The following PRKCH variants were observed in gnomAD, a reference collection of about 807,000 sequenced individuals.
The protein encoded by PRKCH is protein kinase C eta type.
A neutral mutation model predicts 82.5 loss-of-function variants in PRKCH; 28 were observed. That is an observed-to-expected ratio of 0.34 (90% CI 0.25 to 0.47). The LOEUF (loss-of-function observed/expected upper bound fraction) is 0.47, where lower values mean the gene tolerates loss of function less well. PRKCH is among the 20% of genes least tolerant of loss of function. The pLI is 1.00. For synonymous variants in PRKCH, 322 were observed against 327.4 expected (o/e 0.98, Z 0.18); for missense variants, 705 against 881.8 (o/e 0.80, Z 2.54).
intron 1 of PRKCH, among the ~76,000 whole-genome samples, chr14:61,376,887 T>G (rs1015810784): frequency 2.0e-5 from 3 of 152,250 alleles, no homozygotes; most frequent in Admixed American, 1.3e-4. Flanking sequence ...AATTAAACCA[T>G]GTATTCCTTG....
chr14:61,196,570 T>G (rs1424345694), intron 1 of PRKCH, among the ~76,000 whole-genome samples: 1 of 152,206 alleles, frequency 6.6e-6, no homozygotes, highest in Non-Finnish European at 1.5e-5. Context: ...AAAGTAATTT[T>G]AGTTGACAGG....
intron 1 of PRKCH, among the ~76,000 whole-genome samples, chr14:61,212,402 A>T (rs1464487316): frequency 6.6e-6 from 1 of 152,200 alleles, no homozygotes; most frequent in African/African-American, 2.4e-5. Flanking sequence ...AACCTACAGA[A>T]AATGGAACAG....
chr14:61,288,272 T>C (rs148716201), intron 1 of PRKCH, among the ~76,000 whole-genome samples: 7 of 152,314 alleles, frequency 4.6e-5, no homozygotes, highest in African/African-American at 1.7e-4. Flanking sequence ...AATTTTATTT[T>C]TTTGTAGAAA....
At chr14:61,201,200 T>C (rs760844603) in intron 1 of PRKCH, among the ~76,000 whole-genome samples, 1 of 152,218 alleles carries the variant, frequency 6.6e-6, no homozygotes, top group East Asian at 1.9e-4. Flanking sequence ...TGAACACTTA[T>C]TGACATTTTA....
intron 10 of PRKCH, among the ~76,000 whole-genome samples, chr14:61,509,127 A>T (rs1887271657): frequency 6.6e-6 from 1 of 152,126 alleles, no homozygotes; most frequent in Non-Finnish European, 1.5e-5. Flanking sequence ...AGGCCCCCGA[A>T]TCCTGCCATT....
intron 2 of PRKCH, among the ~76,000 whole-genome samples, chr14:61,402,858 TTAA>T (rs974735481): frequency 6.0e-5 from 9 of 150,724 alleles, no homozygotes; most frequent in Non-Finnish European, 1.2e-4. Flanking sequence ...AATTAATTAA[TTAA>T]TTTATTTATT....
chr14:61,518,210 C>T (rs1264772126), intron 10 of PRKCH, among the ~76,000 whole-genome samples: 1 of 152,144 alleles, frequency 6.6e-6, no homozygotes, highest in Non-Finnish European at 1.5e-5. Flanking sequence ...GGTGTCTTTG[C>T]CTGAAGACTT....
At chr14:61,449,027 A>G (rs1461367958) in intron 4 of PRKCH, 137 bp from the exon 5 acceptor site, 3 of 709,944 alleles carry the variant, frequency 4.2e-6, no homozygotes, top group South Asian at 1.7e-5. Flanking sequence ...AATAGGAAGG[A>G]TGGGCGCACC....
At position 61,280,315 on chromosome 14, in the gene PRKCH, A is replaced by T. The variant is rs553531727; in HGVS notation, c.-19+92647A>T. On this transcript the variant is annotated intron_variant, in intron 1 of 3. Coordinates refer to the PRKCH transcript ENST00000555185. This position sits in a 1 kb window ranked among gnomAD's most constrained non-coding sequence, Gnocchi z 5.0. ...GTTGACGCGGTAGGCGCCCCGCGGC[A>T]GCCCGGCCGAGTAGTTGCCCTGGCG... is the stretch of plus-strand genomic sequence containing the variant. 1.2e-6 allele frequency: 2 copies of T among 1,613,880 alleles called. No homozygotes were observed. The highest frequency in any genetic ancestry group is 1.1e-5 in the South Asian group (1 of 91,056).
intron 1 of PRKCH, among the ~76,000 whole-genome samples, chr14:61,195,863 A>C (rs1299807910): frequency 6.6e-6 from 1 of 152,054 alleles, no homozygotes; most frequent in Non-Finnish European, 1.5e-5. Flanking sequence ...TCAAGGCCCC[A>C]CCCTTACGAC....
At chr14:61,290,857 A>G (rs2045355502) in intron 1 of PRKCH, among the ~76,000 whole-genome samples, 1 of 152,212 alleles carries the variant, frequency 6.6e-6, no homozygotes, top group Non-Finnish European at 1.5e-5. Context: ...CACACACAGC[A>G]TCCGTGTTGC....
intron 1 of PRKCH, among the ~76,000 whole-genome samples, chr14:61,349,111 C>T (rs1886465): frequency 0.54 from 82,478 of 152,098 alleles, 26,235 homozygotes; most frequent in Non-Finnish European, 0.7. Flanking sequence ...TTTGTTTATC[C>T]CTTTCCAGGG....
intron 1 of PRKCH, among the ~76,000 whole-genome samples, chr14:61,217,743 T>C (rs1168538504): frequency 6.6e-6 from 1 of 152,176 alleles, no homozygotes. Context: ...AATGAAAACA[T>C]TGTCCTGTGA....
intron 1 of PRKCH, among the ~76,000 whole-genome samples, chr14:61,232,988 C>T (rs1460862483): frequency 6.6e-6 from 1 of 152,156 alleles, no homozygotes; most frequent in African/African-American, 2.4e-5. Flanking sequence ...TTCATAGTAT[C>T]ATTGTCCACC....
intron 9 of PRKCH, among the ~76,000 whole-genome samples, chr14:61,460,598 A>T (rs1442584734): frequency 6.6e-6 from 1 of 152,170 alleles, no homozygotes; most frequent in Non-Finnish European, 1.5e-5. Context: ...CCCATTTCAC[A>T]GAGGAGAAAA....
intron 1 of PRKCH, among the ~76,000 whole-genome samples, chr14:61,287,709 C>G (rs1222661794): frequency 6.7e-6 from 1 of 149,246 alleles, no homozygotes; most frequent in Non-Finnish European, 1.5e-5. Flanking sequence ...GATTCCGTCT[C>G]AAGGAAAAAA....
chr14:61,492,811 AG>A (rs1886509314), intron 10 of PRKCH, among the ~76,000 whole-genome samples: 2 of 152,204 alleles, frequency 1.3e-5, no homozygotes, highest in South Asian at 4.1e-4. Flanking sequence ...GAGTTTTCCC[AG>A]GGTATCTTGG....
chr14:61,410,077 A>G (rs1040696977), intron 2 of PRKCH, among the ~76,000 whole-genome samples: 1 of 152,142 alleles, frequency 6.6e-6, no homozygotes, highest in Admixed American at 6.5e-5. Flanking sequence ...GCCTTAGTTT[A>G]TTAAATTAGC....
intron 1 of PRKCH, among the ~76,000 whole-genome samples, chr14:61,207,465 A>G (rs2044535895): frequency 6.6e-6 from 1 of 152,036 alleles, no homozygotes; most frequent in African/African-American, 2.4e-5. Flanking sequence ...TATGCTTTTG[A>G]TGTTTTCTGC....
Sources: allele counts gnomAD v4.1 joint callset (sites outside exome capture counted in the v4.1 genomes callset), GRCh38; gene constraint gnomAD v4.1.1; non-coding constraint Gnocchi (gnomAD v3.1); transcripts MANE v1.5; gene names NCBI Gene and HGNC (gene_info 2026-07-23, HGNC 2026-07-21).